SDC2: variants seen among roughly 807,000 people sequenced by gnomAD.
The protein encoded by SDC2 is syndecan-2.
In SDC2, 13 loss-of-function variants were observed where a neutral mutation model predicts 22.2. The observed-to-expected ratio is 0.59, with a 90% CI of 0.38 to 0.93. The LOEUF is 0.93. Among genes scored for constraint, SDC2 ranks in the 40% least tolerant of loss-of-function variants. The probability of loss-of-function intolerance (pLI) is 0.00; values close to 1 mark genes in which losing one functional copy is unlikely to be tolerated. For synonymous variants in SDC2, 94 were observed against 92.8 expected, an observed-to-expected ratio of 1.01 and a Z score of -0.07; for missense variants, 235 against 246.8, an observed-to-expected ratio of 0.95 and a Z score of 0.32.
chr8:96,528,456 A>T (rs1272758276), intron 1 of SDC2, among the ~76,000 whole-genome samples: 1 of 152,226 alleles, frequency 6.6e-6, no homozygotes, highest in Non-Finnish European at 1.5e-5. Context: ...AAATGCAAAT[A>T]CTCAGTGCTC....
chr8:96,494,976 C>T (rs2130406214), intron 1 of SDC2, among the ~76,000 whole-genome samples: 1 of 152,314 alleles, frequency 6.6e-6, no homozygotes, highest in Middle Eastern at 3.4e-3. Context: ...GGGGGAGGCA[C>T]GGAACGCGTC....
At chr8:96,550,177 C>T (rs1814004154) in intron 1 of SDC2, among the ~76,000 whole-genome samples, 1 of 152,052 alleles carries the variant, frequency 6.6e-6, no homozygotes, top group Non-Finnish European at 1.5e-5. Context: ...GTTTTCCTAG[C>T]CTCTCACTAG....
intron 1 of SDC2, among the ~76,000 whole-genome samples, chr8:96,576,399 A>ATT (rs1563667857): frequency 1.1e-4 from 2 of 18,048 alleles, no homozygotes; most frequent in African/African-American, 3.2e-4. Context: ...TTTTTACCAG[A>ATT]TTTGCTTTAT....
chr8:96,511,567 G>A (rs1813329120), intron 1 of SDC2, among the ~76,000 whole-genome samples: 1 of 152,152 alleles, frequency 6.6e-6, no homozygotes, highest in Non-Finnish European at 1.5e-5. Flanking sequence ...CAGCTGTTTT[G>A]GCTTCTGCCT....
intron 1 of SDC2, among the ~76,000 whole-genome samples, chr8:96,565,083 G>GGTTTTTTTTTTTTTTTT (rs1563663668): frequency 6.3e-5 from 1 of 15,928 alleles, no homozygotes. Context: ...TCCTAAATTT[G>GGTTTTTTTTTTTTTTTT]ATTTTTTTTT....
intron 1 of SDC2, among the ~76,000 whole-genome samples, chr8:96,565,332 G>A (rs1475256568): frequency 4.6e-5 from 7 of 151,500 alleles, no homozygotes; most frequent in Admixed American, 1.3e-4. Context: ...TGATCTGCCC[G>A]CCTCAGCCTC....
At chr8:96,563,309 GA>G (rs1563662933) in intron 1 of SDC2, among the ~76,000 whole-genome samples, 2 of 152,106 alleles carry the variant, frequency 1.3e-5, no homozygotes, top group South Asian at 4.1e-4. Flanking sequence ...AATTTTCAGG[GA>G]GAGTGCGGGC....
chr8:96,558,519 G>A (rs1814157325), intron 1 of SDC2, among the ~76,000 whole-genome samples: 1 of 152,128 alleles, frequency 6.6e-6, no homozygotes, highest in Non-Finnish European at 1.5e-5. Flanking sequence ...TCTATACCTA[G>A]TAAGTGCTTA....
chr8:96,587,397 T>C (rs568881567), intron 1 of SDC2, among the ~76,000 whole-genome samples: 24 of 152,294 alleles, frequency 1.6e-4, no homozygotes, highest in African/African-American at 5.5e-4. Flanking sequence ...AACAAACCCT[T>C]AAAGTAAGTG....
intron 1 of SDC2, among the ~76,000 whole-genome samples, chr8:96,497,191 C>G (rs1813090200): frequency 6.6e-6 from 1 of 151,860 alleles, no homozygotes; most frequent in Non-Finnish European, 1.5e-5. Flanking sequence ...TTATGAAAGG[C>G]AGGCTCTGGA....
intron 2 of SDC2, among the ~76,000 whole-genome samples, chr8:96,597,431 C>T (rs1814896692): frequency 6.6e-6 from 1 of 152,214 alleles, no homozygotes; most frequent in Admixed American, 6.5e-5. Flanking sequence ...ATTTGACACA[C>T]CTCTCCTGTG....
At chr8:96,519,556 TTTATC>T (rs572466726) in intron 1 of SDC2, among the ~76,000 whole-genome samples, 46 of 152,320 alleles carry the variant, frequency 3.0e-4, no homozygotes, top group African/African-American at 1.1e-3. Context: ...TGAAACCTCT[TTTATC>T]TTAGATAATC....
chr8:96,564,672 C>T (rs377703436), intron 1 of SDC2, among the ~76,000 whole-genome samples: 262 of 152,210 alleles, frequency 1.7e-3, no homozygotes, highest in African/African-American at 6.2e-3. Context: ...TCTTGTTTTC[C>T]TTACACACCT....
At chr8:96,563,100 A>G (rs1814238320) in intron 1 of SDC2, among the ~76,000 whole-genome samples, 1 of 152,188 alleles carries the variant, frequency 6.6e-6, no homozygotes, top group Non-Finnish European at 1.5e-5. Context: ...TCCGTATCTC[A>G]GACACCTCAG....
chr8:96,556,569 A>G lies in SDC2; in HGVS notation c.61-36911A>G, dbSNP rs532255228. ...ATGGTGCTGGGAAAACTGGCTAGCC[A>G]TATGTAGAAAGCTGAAACTGGATCC... On this transcript the variant is annotated intron_variant, in intron 1 of 4. Coordinates refer to ENST00000302190, the MANE Select transcript of SDC2 (RefSeq NM_002998.4). Among the ~76,000 whole-genome samples, 16 of 152,080 alleles carry G rather than the reference A, an allele frequency of 1.1e-4. No individual in the cohort carries two copies. In the East Asian group the frequency reaches 2.3e-3, roughly 22 times the overall value.
At chr8:96,593,808 A>G (rs1814826844) in intron 2 of SDC2, among the ~76,000 whole-genome samples, 1 of 152,194 alleles carries the variant, frequency 6.6e-6, no homozygotes, top group Non-Finnish European at 1.5e-5. Context: ...CTCCTTTATA[A>G]AATGGAAAGT....
intron 1 of SDC2, among the ~76,000 whole-genome samples, chr8:96,544,012 A>G (rs564241740): frequency 2.3e-3 from 355 of 152,318 alleles, no homozygotes; most frequent in African/African-American, 7.7e-3. Flanking sequence ...AGCTGTCAGA[A>G]TGAACTTAGA....
At chr8:96,513,648 C>T (rs549599382) in intron 1 of SDC2, among the ~76,000 whole-genome samples, 1 of 152,310 alleles carries the variant, frequency 6.6e-6, no homozygotes, top group Non-Finnish European at 1.5e-5. Flanking sequence ...TTGGTAGTAT[C>T]ATCATCTAAT....
chr8:96,510,935 T>A (rs181250532), intron 1 of SDC2, among the ~76,000 whole-genome samples: 1 of 152,190 alleles, frequency 6.6e-6, no homozygotes, highest in Non-Finnish European at 1.5e-5. Context: ...TTAGTAGATA[T>A]AAGTGCTTTT....
Sources: allele counts gnomAD v4.1 joint callset (sites outside exome capture counted in the v4.1 genomes callset), GRCh38; gene constraint gnomAD v4.1.1; transcripts MANE v1.5; gene names NCBI Gene and HGNC (gene_info 2026-07-23, HGNC 2026-07-21).